Variants in SLC19A2 observed in about 807,000 individuals in gnomAD.
SLC19A2 encodes the protein thiamine transporter 1.
SLC19A2 carries 27 observed loss-of-function variants against 44.7 expected under a neutral mutation model. The observed-to-expected ratio is 0.60, with a 90% CI of 0.45 to 0.83. SLC19A2 has a LOEUF of 0.83. SLC19A2 is among the 40% of genes least tolerant of loss of function. The pLI is 0.00. For missense variants in SLC19A2, 566 were observed against 613.7 expected (o/e 0.92, Z 0.82); for synonymous variants, 239 against 243.6 (o/e 0.98, Z 0.18).
Position 169,477,465 on chromosome 1 carries a change from A to T in SLC19A2, c.497T>A (p.Leu166Ter), listed in dbSNP as rs1308116371. Residue 166 changes from leucine (L) to a stop codon, truncating the protein, a stop_gained, in exon 2 of 6, where the codon TTG becomes TAG. Transcript: ENST00000236137. LOFTEE classifies it high-confidence loss of function. ...KVTSYCRSAT[L>*]VGFTVGSVLG... is the part of the protein sequence containing the mutation. ...GACAGAGCCCACTGTAAAGCCCACC[A>T]AAGTGGCACTTCGACAGTAACTTGT... The T allele has an allele frequency of 6.2e-7, 1 of 1,614,064 alleles. No homozygotes were observed. The highest frequency in any genetic ancestry group is 1.3e-5 in the African/African-American group (1 of 74,912).
At chr1:169,467,960 G>T in intron 5 of SLC19A2, 151 bp downstream of exon 5, 1 of 750,986 alleles carries the variant, frequency 1.3e-6, no homozygotes, top group East Asian at 2.6e-5. Context: ...CTAAGGATAG[G>T]GGAGAAGATG....
chr1:169,485,501 T>A (rs1658535627), intron 1 of SLC19A2, 62 bp downstream of exon 1: 33 of 1,531,780 alleles, frequency 2.2e-5, no homozygotes, highest in Non-Finnish European at 2.8e-5. Flanking sequence ...CCTCTCTTCC[T>A]CCGCTGCCCA....
chr1:169,481,013 A>G (rs1557893059), intron 1 of SLC19A2, among the ~76,000 whole-genome samples: 1 of 152,242 alleles, frequency 6.6e-6, no homozygotes, highest in African/African-American at 2.4e-5. Flanking sequence ...AGAAAGGCAA[A>G]TAGGGGAGAG....
intron 5 of SLC19A2, among the ~76,000 whole-genome samples, chr1:169,466,263 C>T (rs1657983954): frequency 6.6e-6 from 1 of 152,168 alleles, no homozygotes; most frequent in Admixed American, 6.5e-5. Context: ...TAGTAGTTCT[C>T]ACTTTACAGC....
At chr1:169,485,945 A>G (rs1244595979), upstream of SLC19A2, 1 of 728,920 alleles carries the variant, frequency 1.4e-6, no homozygotes, top group Non-Finnish European at 2.2e-6. Context: ...AGACGCCTCT[A>G]GGGTCGCTGC....
At chr1:169,473,400 A>G (rs1047419798) in intron 2 of SLC19A2, among the ~76,000 whole-genome samples, 1 of 136,214 alleles carries the variant, frequency 7.3e-6, no homozygotes, top group Admixed American at 7.6e-5. Flanking sequence ...ACGCCCAGCT[A>G]GTTTTTGTAT....
intron 2 of SLC19A2, among the ~76,000 whole-genome samples, chr1:169,473,361 A>AGT (rs1237922490): frequency 1.3e-5 from 2 of 151,608 alleles, no homozygotes; most frequent in Non-Finnish European, 2.9e-5. Context: ...CAGCCTCCCA[A>AGT]GTAGCTGGGA....
chr1:169,474,725 G>GATCCCTAAT (rs1455116620), intron 2 of SLC19A2, among the ~76,000 whole-genome samples: 1 of 151,846 alleles, frequency 6.6e-6, no homozygotes, highest in African/African-American at 2.4e-5. Context: ...ATAGCTCTGT[G>GATCCCTAAT]ATCCCTAATA....
chr1:169,485,910 T>G lies in SLC19A2; in HGVS notation c.-144A>C, dbSNP rs1658556765. 8.2e-6 allele frequency: 8 copies of G among 973,342 alleles called. No individual in the cohort carries two copies. The South Asian group carries it at 1.4e-4, about 17-fold the overall frequency. The allele number at this position is 973,342 out of a possible 1,614,324, so 60.3% of individuals were successfully genotyped here. A position where few individuals can be genotyped will look rare whatever the true frequency, so the allele number is the denominator to read the frequency against. ...TTCTGGACTCGCCGCCGCCTCCGGC[T>G]ACAGAACCCCCAGCTTTACCCTACA... On this transcript the variant is annotated 5_prime_UTR_variant, in exon 1 of 6. Transcript: ENST00000236137.
At position 169,477,529 on chromosome 1, in the gene SLC19A2, T is replaced by C. The variant is rs760839994; in HGVS notation, c.433A>G (p.Ile145Val). 6.2e-7 allele frequency: 1 copy of C among 1,614,094 alleles called. No individual in the cohort carries two copies. The highest frequency in any genetic ancestry group is 1.7e-5 in the Admixed American group (1 of 60,022). ...ATGCCCAGGTCCACCACACTGTAGA[T>C]ATAAGAGTAATAGGCAATTTCAGTG... ...TATEIAYYSYIYSVVDLGMYQ... is the reference protein window; with the variant it reads ...TATEIAYYSYVYSVVDLGMYQ... The change falls in exon 2 of 6, where the codon ATC (isoleucine) becomes GTC (valine). Residue 145 changes from isoleucine to valine, a missense_variant. Transcript: ENST00000236137.
intron 1 of SLC19A2, 71 bp downstream of exon 1, chr1:169,485,492 C>A: frequency 4.0e-6 from 6 of 1,510,838 alleles, no homozygotes; most frequent in South Asian, 1.2e-5. Context: ...TTTCTCGGTC[C>A]TCTCTTCCTC....
intron 1 of SLC19A2, among the ~76,000 whole-genome samples, chr1:169,482,402 G>A (rs374188014): frequency 4.6e-5 from 7 of 152,066 alleles, no homozygotes; most frequent in African/African-American, 1.2e-4. Context: ...TTAGCTGAGA[G>A]TAGTGGCACA....
At chr1:169,478,313 T>A (rs1454993555) in intron 1 of SLC19A2, among the ~76,000 whole-genome samples, 3 of 151,978 alleles carry the variant, frequency 2.0e-5, no homozygotes, top group African/African-American at 4.8e-5. Flanking sequence ...AAGCCAAAAG[T>A]ACTTGTATTA....
chr1:169,482,548 AAACT>A (rs1291900669), intron 1 of SLC19A2, among the ~76,000 whole-genome samples: 1 of 152,218 alleles, frequency 6.6e-6, no homozygotes, highest in East Asian at 1.9e-4. Context: ...CTAAATAAAT[AAACT>A]GAGATCCTCA....
intron 2 of SLC19A2, among the ~76,000 whole-genome samples, chr1:169,470,494 C>T (rs1474450152): frequency 6.6e-6 from 1 of 152,186 alleles, no homozygotes; most frequent in African/African-American, 2.4e-5. Flanking sequence ...CTGTAATCTA[C>T]ATCTCCCATA....
chr1:169,485,474 C>T, intron 1 of SLC19A2, 89 bp downstream of exon 1: 1 of 1,401,198 alleles, frequency 7.1e-7, no homozygotes, highest in Non-Finnish European at 9.9e-7. Context: ...GAGAATGGCT[C>T]GAGCGCTTTT....
At chr1:169,474,412 A>G (rs1571535855) in intron 2 of SLC19A2, among the ~76,000 whole-genome samples, 1 of 152,344 alleles carries the variant, frequency 6.6e-6, no homozygotes, top group East Asian at 1.9e-4. Context: ...GAAGAACTCA[A>G]AATAAATCAG....
Position 169,468,177 on chromosome 1 carries a change from T to A in SLC19A2, c.1299A>T (p.Ala433=), listed in dbSNP as rs747756819. 8 of 1,613,838 alleles carry A rather than the reference T, an allele frequency of 5.0e-6. No individual in the cohort carries two copies. In the East Asian group the frequency reaches 1.6e-4, roughly 31 times the overall value. ...VFGVNTFIAL[A]LQTLLTLIVV... Reference sequence around the variant, plus strand: ...CAATTAGAGTGAGCAGCGTCTGCAGTGCCAGGGCAATGAAGGTATTTACAC... The same window carrying A: ...CAATTAGAGTGAGCAGCGTCTGCAGAGCCAGGGCAATGAAGGTATTTACAC... Residue 433 remains alanine (A), a synonymous_variant, in exon 5 of 6, where the codon GCA becomes GCT. Transcript: ENST00000236137.
In SLC19A2 at chr1:169,485,719, G is replaced by C. The variant is rs1326861165; in HGVS notation, c.48C>G (p.Ala16=). 6.5e-7 allele frequency: 1 copy of C among 1,537,344 alleles called. No homozygotes were observed. Among genetic ancestry groups the C allele is most frequent in the Non-Finnish European group, 8.7e-7 (1 of 1,145,378 alleles). The change falls in exon 1 of 6, where the codon GCC becomes GCG. Residue 16 remains alanine, a synonymous_variant. Transcript: ENST00000236137. The part of the protein sequence containing the change: ...PVSRRAAAAA[A]TVLLRTARVR... ...CCCGAGCGGTCCGCAGGAGCACAGT[G>C]GCCGCCGCCGCCGCCGCCCGCCGAG...
Sources: allele counts gnomAD v4.1 joint callset (sites outside exome capture counted in the v4.1 genomes callset), GRCh38; gene constraint gnomAD v4.1.1; transcripts MANE v1.5; gene names NCBI Gene and HGNC (gene_info 2026-07-23, HGNC 2026-07-21).